ADAM30: variants seen among roughly 807,000 people sequenced by gnomAD.
ADAM30 encodes the protein disintegrin and metalloproteinase domain-containing protein 30.
For missense variants in ADAM30, 960 were observed against 959.4 expected (o/e 1.00, Z -0.01); for synonymous variants, 382 against 340.9 (o/e 1.12, Z -1.33).
Position 119,894,271 on chromosome 1 carries a change from A to G in ADAM30, c.2066T>C (p.Val689Ala). 6.2e-7 allele frequency: 1 copy of G among 1,614,246 alleles called. No homozygotes were observed. The highest frequency in any genetic ancestry group is 2.2e-5 in the East Asian group (1 of 44,894). Residue 689 changes from valine (V) to alanine (A), a missense_variant, in exon 1 of 1, where the codon GTG becomes GCG. Physicochemically the swap from Val to Ala is moderately conservative, Grantham distance 64. Transcript: ENST00000369400. ...RGAIPSSIWVVSIIMFRLILL... is the reference protein window; with the variant it reads ...RGAIPSSIWVASIIMFRLILL... ...AATAAGGCGAAACATTATGATGGAC[A>G]CAACCCAAATTGACGAGGGAATCGC...
Position 119,893,871 on chromosome 1 carries a change from A to T in ADAM30, c.*93T>A. 4 of 1,516,188 alleles carry T rather than the reference A, an allele frequency of 2.6e-6. No homozygotes were observed. The highest frequency in any genetic ancestry group is 3.5e-6 in the Non-Finnish European group (4 of 1,139,540). The allele number at this position is 1,516,188 out of a possible 1,614,324, so 93.9% of individuals were successfully genotyped here. On this transcript the variant is annotated 3_prime_UTR_variant, in exon 1 of 1. Transcript: ENST00000369400. ...AACTTGTGGGAAAAATTAAAGTAAA[A>T]AAATATTGGGAGAAGAATGGAAAGC...
At position 119,894,732 on chromosome 1, in the gene ADAM30, G is replaced by GAAATTT; in HGVS notation, c.1604_1605insAAATTT (p.Asn535delinsLysAsnPhe). On this transcript the variant is annotated protein_altering_variant, in exon 1 of 1. Transcript: ENST00000369400. ...AATTTCGAATTCCTGTAATCTCACAGTTACCAAATTGATCACCTATTAAGT... is the reference window on the plus strand; with the variant it reads ...AATTTCGAATTCCTGTAATCTCACAGAAATTTTTACCAAATTGATCACCTATTAAGT... 1 of 1,614,178 alleles carries GAAATTT rather than the reference G, an allele frequency of 6.2e-7. No individual in the cohort carries two copies. Among genetic ancestry groups the GAAATTT allele is most frequent in the Non-Finnish European group, 8.5e-7 (1 of 1,180,042 alleles).
rs190248331 is a variant in ADAM30 at position 119,895,992 on chromosome 1, G to C, written c.345C>G (p.Ser115=). 6.2e-7 allele frequency: 1 copy of C among 1,614,104 alleles called. No homozygotes were observed. The highest frequency in any genetic ancestry group is 1.1e-5 in the South Asian group (1 of 91,078). ...YIPKDCNYMG[S]VKESLDSKAT... is the part of the protein sequence containing the mutation. ...CTTTAGAGTCCAGAGACTCTTTCAC[G>C]GAGCCCATGTAGTTGCAGTCCTTTG... The change falls in exon 1 of 1, where the codon TCC becomes TCG. Residue 115 remains serine, a synonymous_variant. Transcript: ENST00000369400.
In ADAM30 at chr1:119,894,742, T is replaced by C; in HGVS notation, c.1595A>G (p.Gln532Arg). Residue 532 changes from glutamine (Q) to arginine (R), a missense_variant, in exon 1 of 1, where the codon CAA becomes CGA. Coordinates refer to ENST00000369400, the MANE Select transcript of ADAM30 (RefSeq NM_021794.4). The stretch of plus-strand genomic sequence containing the variant: ...TCCTGTAATCTCACAGTTACCAAAT[T>C]GATCACCTATTAAGTTAACTGCATC... Reference protein sequence around the residue: ...CYDAVNLIGDQFGNCEITGIR... With the variant: ...CYDAVNLIGDRFGNCEITGIR... The C allele has an allele frequency of 6.2e-7, 1 of 1,614,194 alleles. No individual in the cohort carries two copies. The highest frequency in any genetic ancestry group is 1.3e-5 in the African/African-American group (1 of 75,048).
rs1648491470 is a variant in ADAM30, at chr1:119,893,861, T to C, written c.*103A>G. On this transcript the variant is annotated 3_prime_UTR_variant, in exon 1 of 1. Transcript: ENST00000369400. ...TGCTGATCAAAACTTGTGGGAAAAA[T>C]TAAAGTAAAAAAATATTGGGAGAAG... 6.6e-7 allele frequency: 1 copy of C among 1,512,584 alleles called. No homozygotes were observed. Among genetic ancestry groups the C allele is most frequent in the Non-Finnish European group, 8.8e-7 (1 of 1,138,204 alleles). 93.7% of individuals were successfully genotyped at this position (1,512,584 alleles called of 1,614,324 possible).
In ADAM30 at chr1:119,895,932, A is replaced by G; in HGVS notation, c.405T>C (p.Gly135=). The part of the protein sequence containing the change: ...TISTCMGGLR[G]VFNIDAKHYQ... Reference sequence around the variant, plus strand: ...AATGTTTGGCATCAATGTTAAATACACCTCGGAGACCCCCCATGCATGTGC... The same window carrying G: ...AATGTTTGGCATCAATGTTAAATACGCCTCGGAGACCCCCCATGCATGTGC... The change falls in exon 1 of 1, where the codon GGT becomes GGC. Residue 135 remains glycine (G), a synonymous_variant. Coordinates refer to ENST00000369400, the MANE Select transcript of ADAM30 (RefSeq NM_021794.4). 6.2e-7 allele frequency: 1 copy of G among 1,614,096 alleles called. No homozygotes were observed. The highest frequency in any genetic ancestry group is 8.5e-7 in the Non-Finnish European group (1 of 1,180,026).
At position 119,895,477 on chromosome 1, in the gene ADAM30, C is replaced by A. The variant is rs201579598; in HGVS notation, c.860G>T (p.Arg287Leu). ...TAAATGTGCCCAATCTGATGACAGG[C>A]GAGCATTTAATACACTTTTTTTATA... ...VIYKKSVLNA[R>L]LSSDWAHLYL... is the part of the protein sequence containing the mutation. The change falls in exon 1 of 1, where the codon CGC (arginine) becomes CTC (leucine). Residue 287 changes from arginine (R) to leucine (L), a missense_variant. By Grantham distance (102) the Arg-to-Leu change is moderately radical (BLOSUM62 -2). Coordinates refer to ENST00000369400, the MANE Select transcript of ADAM30 (RefSeq NM_021794.4). The A allele has an allele frequency of 2.5e-6, 4 of 1,613,824 alleles. No individual in the cohort carries two copies. Among genetic ancestry groups the A allele is most frequent in the Non-Finnish European group, 3.4e-6 (4 of 1,179,988 alleles).
chr1:119,896,515 C>T lies in ADAM30; in HGVS notation c.-179G>A, dbSNP rs148613894. Reference sequence around the variant, plus strand: ...CGGTCTAGCTGGCGTCCGCAATGCGCGCGTGACCTGTCCAACGCATCCAGT... The same window carrying T: ...CGGTCTAGCTGGCGTCCGCAATGCGTGCGTGACCTGTCCAACGCATCCAGT... On this transcript the variant is annotated 5_prime_UTR_variant, in exon 1 of 1. Coordinates refer to ENST00000369400, the MANE Select transcript of ADAM30 (RefSeq NM_021794.4). The T allele has an allele frequency of 1.2e-3, 1,049 of 899,948 alleles. No homozygotes were observed. Among genetic ancestry groups the T allele is most frequent in the Non-Finnish European group, 1.4e-3 (917 of 645,560 alleles). The allele number at this position is 899,948 out of a possible 1,614,324, so 55.7% of individuals were successfully genotyped here. A position where few individuals can be genotyped will look rare whatever the true frequency, so the allele number is the denominator to read the frequency against.
chr1:119,894,992 G>A lies in ADAM30; in HGVS notation c.1345C>T (p.Arg449Trp), dbSNP rs776647536. ...CACACGTATCCAGATGGACGAAACCGACAATCATGACAGCAAAGTCCAATG... is the reference window on the plus strand; with the variant it reads ...CACACGTATCCAGATGGACGAAACCAACAATCATGACAGCAAAGTCCAATG... ...CSIGLCCHDC[R>W]FRPSGYVCRQ... is the part of the protein sequence containing the mutation. Residue 449 changes from arginine (R) to tryptophan (W), a missense_variant, in exon 1 of 1, where the codon CGG becomes TGG. Coordinates refer to ENST00000369400, the MANE Select transcript of ADAM30 (RefSeq NM_021794.4). 15 of 1,614,024 alleles carry A rather than the reference G, an allele frequency of 9.3e-6. No homozygotes were observed. The highest frequency in any genetic ancestry group is 3.3e-5 in the Admixed American group (2 of 59,994).
chr1:119,894,294 C>A lies in ADAM30; in HGVS notation c.2043G>T (p.Ala681=). ...ACACAACCCAAATTGACGAGGGAATCGCCCCTCTGAGCAGTCCTGGAGGCC... is the reference window on the plus strand; with the variant it reads ...ACACAACCCAAATTGACGAGGGAATAGCCCCTCTGAGCAGTCCTGGAGGCC... The part of the protein sequence containing the change: ...DSGPPGLLRG[A]IPSSIWVVSI... The change falls in exon 1 of 1, where the codon GCG becomes GCT. Residue 681 remains alanine (A), a synonymous_variant. Transcript: ENST00000369400. The A allele has an allele frequency of 6.2e-7, 1 of 1,614,166 alleles. No individual in the cohort carries two copies.
In ADAM30 at chr1:119,894,875, G is replaced by T. The variant is rs1195710410; in HGVS notation, c.1462C>A (p.Pro488Thr). 1.2e-6 allele frequency: 2 copies of T among 1,613,970 alleles called. No homozygotes were observed. Among genetic ancestry groups the T allele is most frequent in the Non-Finnish European group, 1.7e-6 (2 of 1,180,020 alleles). The change falls in exon 1 of 1, where the codon CCT becomes ACT. Residue 488 changes from proline (P) to threonine (T), a missense_variant. Pro to Thr is a conservative substitution (Grantham distance 38). Transcript: ENST00000369400. The stretch of plus-strand genomic sequence containing the variant: ...AAACAACGGCCTTCATACTTGCAAG[G>T]GGTTCCATCCTGCTTATAAACGTCA... The part of the protein sequence containing the change: ...PNDVYKQDGT[P>T]CKYEGRCFRK...
At position 119,894,195 on chromosome 1, in the gene ADAM30, G is replaced by A. The variant is rs1001929737; in HGVS notation, c.2142C>T (p.Asn714=). 2 of 1,613,464 alleles carry A rather than the reference G, an allele frequency of 1.2e-6. No individual in the cohort carries two copies. The highest frequency in any genetic ancestry group is 1.1e-5 in the South Asian group (1 of 90,824). Residue 714 remains asparagine (N), a synonymous_variant, in exon 1 of 1, where the codon AAC becomes AAT. Coordinates refer to ENST00000369400, the MANE Select transcript of ADAM30 (RefSeq NM_021794.4). ...VFVFFRQVIG[N]HLKPKQEKMP... ...TTTTTTCCTGTTTGGGTTTTAAGTG[G>A]TTTCCTATCACTTGCCGGAAAAACA...
In ADAM30 at chr1:119,895,248, C is replaced by T; in HGVS notation, c.1089G>A (p.Met363Ile). The T allele has an allele frequency of 2.5e-6, 4 of 1,614,134 alleles. No homozygotes were observed. Among genetic ancestry groups the T allele is most frequent in the Non-Finnish European group, 2.5e-6 (3 of 1,180,028 alleles). Reference protein sequence around the residue: ...CQCRGRLNCIMGSGRTGFSNC... With the variant: ...CQCRGRLNCIIGSGRTGFSNC... The stretch of plus-strand genomic sequence containing the variant: ...TGCTAAACCCAGTGCGTCCTGAGCC[C>T]ATGATGCAATTAAGCCTACCCCTAC... The change falls in exon 1 of 1, where the codon ATG (methionine) becomes ATA (isoleucine). Residue 363 changes from methionine to isoleucine, a missense_variant. Met to Ile is a conservative substitution (Grantham distance 10). Transcript: ENST00000369400.
At position 119,893,926 on chromosome 1, in the gene ADAM30, A is replaced by ATG; in HGVS notation, c.*37_*38insCA. 1 of 1,560,682 alleles carries ATG rather than the reference A, an allele frequency of 6.4e-7. No individual in the cohort carries two copies. The highest frequency in any genetic ancestry group is 2.2e-5 in the East Asian group (1 of 44,576). Reference sequence around the variant, plus strand: ...GGATAAATGATTAGCTGGTTAAATAAATGAGCCTGTGTTACTGAATGAGTA... The same window carrying ATG: ...GGATAAATGATTAGCTGGTTAAATAATGATGAGCCTGTGTTACTGAATGAGTA... On this transcript the variant is annotated 3_prime_UTR_variant, in exon 1 of 1. Coordinates refer to ENST00000369400, the MANE Select transcript of ADAM30 (RefSeq NM_021794.4).
rs756522581 is a variant in ADAM30, at chr1:119,894,443, C to CA, written c.1893dup (p.Asp632Ter). 6.2e-7 allele frequency: 1 copy of CA among 1,614,154 alleles called. No individual in the cohort carries two copies. The highest frequency in any genetic ancestry group is 8.5e-7 in the Non-Finnish European group (1 of 1,180,036). ...GTATTGCATTTCTCAGGCAAACAGT[C>CA]AAACTGCAGGACTGAGCTATTGACG... On this transcript the variant is annotated frameshift_variant, in exon 1 of 1. Coordinates refer to ENST00000369400, the MANE Select transcript of ADAM30 (RefSeq NM_021794.4). LOFTEE classifies it low-confidence loss of function (END_TRUNC).
rs587699560 is a variant in ADAM30, at chr1:119,895,694, T to C, written c.643A>G (p.Arg215Gly). Residue 215 changes from arginine to glycine, a missense_variant, in exon 1 of 1, where the codon AGG becomes GGG. Transcript: ENST00000369400. ...AGATTGTTGTTCACAAACCTATACC[T>C]ACTTTGATCAAAGAGTAGGATCAAT... ...LELILLFDQSRYRFVNNNLSQ... is the reference protein window; with the variant it reads ...LELILLFDQSGYRFVNNNLSQ... 49 of 1,614,152 alleles carry C rather than the reference T, an allele frequency of 3.0e-5. No homozygotes were observed. The African/African-American group carries it at 5.6e-4, about 18-fold the overall frequency.
Position 119,895,130 on chromosome 1 carries a change from C to G in ADAM30, c.1207G>C (p.Gly403Arg), listed in dbSNP as rs1648543723. Reference protein sequence around the residue: ...PGLGYVLKRCGNKIVEDNEEC... With the variant: ...PGLGYVLKRCRNKIVEDNEEC... ...TCATTGTCCTCCACAATTTTGTTTC[C>G]ACATCTCTTAAGCACATAACCTAGT... is the stretch of plus-strand genomic sequence containing the variant. Residue 403 changes from glycine (G) to arginine (R), a missense_variant, in exon 1 of 1, where the codon GGA becomes CGA. Gly to Arg is a moderately radical substitution (Grantham distance 125). Transcript: ENST00000369400. The G allele has an allele frequency of 6.2e-7, 1 of 1,614,128 alleles. No individual in the cohort carries two copies. The highest frequency in any genetic ancestry group is 2.2e-5 in the East Asian group (1 of 44,886).
Position 119,894,359 on chromosome 1 carries a change from A to G in ADAM30, c.1978T>C (p.Phe660Leu). 6.2e-7 allele frequency: 1 copy of G among 1,614,182 alleles called. No individual in the cohort carries two copies. The highest frequency in any genetic ancestry group is 8.5e-7 in the Non-Finnish European group (1 of 1,180,018). The change falls in exon 1 of 1, where the codon TTC becomes CTC. Residue 660 changes from phenylalanine (F) to leucine (L), a missense_variant. By Grantham distance (22) the Phe-to-Leu change is conservative. Coordinates refer to ENST00000369400, the MANE Select transcript of ADAM30 (RefSeq NM_021794.4). ...CCTCCATACCCCACTTCCTCACAGA[A>G]TGGAGGTGCCCACCCATACATGCAG... ...CHCMYGWAPP[F>L]CEEVGYGGSI...
chr1:119,894,030 T>G lies in ADAM30; in HGVS notation c.2307A>C (p.Glu769Asp). ...TACTTTCAATGTTTGCTTTAGATTC[T>G]TCCTGTCCAGTTTTTGCTTTAGATT... ...QEESKAKTGQ[E>D]ESKANIESKR... The change falls in exon 1 of 1, where the codon GAA becomes GAC. Residue 769 changes from glutamate to aspartate, a missense_variant. Glu to Asp is a conservative substitution (Grantham distance 45, BLOSUM62 2). Coordinates refer to ENST00000369400, the MANE Select transcript of ADAM30 (RefSeq NM_021794.4). The G allele has an allele frequency of 6.2e-7, 1 of 1,613,548 alleles. No homozygotes were observed. Among genetic ancestry groups the G allele is most frequent in the Non-Finnish European group, 8.5e-7 (1 of 1,179,686 alleles).
Sources: gnomAD v4.1 joint callset for allele counts on GRCh38, gnomAD v4.1.1 for gene constraint, MANE v1.5 for transcripts, NCBI Gene and HGNC (gene_info 2026-07-23, HGNC 2026-07-21) for gene names.